The following SLC38A1 variants were observed in gnomAD, a reference collection of about 807,000 sequenced individuals.
SLC38A1 encodes the protein sodium-coupled neutral amino acid symporter 1.
SLC38A1 carries 18 observed loss-of-function variants against 60.3 expected under a neutral mutation model. The ratio of observed to expected loss-of-function variants is 0.30; its 90% CI spans 0.21 to 0.44. The LOEUF is 0.44. SLC38A1 is among the 20% of genes least tolerant of loss of function. SLC38A1 has a pLI of 1.00. For synonymous variants in SLC38A1, 196 were observed against 212.1 expected (o/e 0.92, Z 0.66); for missense variants, 448 against 587.2 (o/e 0.76, Z 2.45).
chr12:46,253,170 G>T (rs1941913769), intron 1 of SLC38A1, among the ~76,000 whole-genome samples: 2 of 152,138 alleles, frequency 1.3e-5, no homozygotes, highest in South Asian at 4.1e-4. Context: ...AATACAGTTT[G>T]AGTATTTCTT....
At chr12:46,224,948 A>G (rs1403370937) in intron 5 of SLC38A1, among the ~76,000 whole-genome samples, 1 of 152,248 alleles carries the variant, frequency 6.6e-6, no homozygotes, top group African/African-American at 2.4e-5. Flanking sequence ...GTCATGAGAT[A>G]GGAGGTCAAT....
chr12:46,207,741 C>T, intron 6 of SLC38A1, 120 bp from the exon 7 acceptor site: 2 of 916,052 alleles, frequency 2.2e-6, no homozygotes, highest in Non-Finnish European at 3.5e-6. Flanking sequence ...CTCAAACTCA[C>T]ACAAATAGTC....
At chr12:46,243,909 T>C (rs1941529376) in intron 1 of SLC38A1, among the ~76,000 whole-genome samples, 1 of 152,234 alleles carries the variant, frequency 6.6e-6, no homozygotes, top group African/African-American at 2.4e-5. Flanking sequence ...ATAGTACCAA[T>C]GTAAAATACA....
intron 16 of SLC38A1, among the ~76,000 whole-genome samples, chr12:46,195,334 C>T (rs560291156): frequency 1.2e-4 from 18 of 152,298 alleles, no homozygotes; most frequent in African/African-American, 4.1e-4. Flanking sequence ...GGGGCACCCA[C>T]GTGTTTGAGG....
chr12:46,192,952 G>C lies in SLC38A1; in HGVS notation c.1363-3881C>G, dbSNP rs551441501. On this transcript the variant is annotated intron_variant, in intron 16 of 16. Transcript: ENST00000398637. ...CTCCTTCAATTCTGCTCCGATCTTA[G>C]TTATTTCTTACCTTCTGCTAGCTTT... Among the ~76,000 whole-genome samples, 6 of 152,164 alleles carry C rather than the reference G, an allele frequency of 3.9e-5. No individual in the cohort carries two copies. The South Asian group carries it at 8.3e-4, about 21-fold the overall frequency.
At chr12:46,239,944 T>C in intron 2 of SLC38A1, 51 bp from the exon 3 acceptor site, 4 of 671,912 alleles carry the variant, frequency 6.0e-6, no homozygotes, top group Non-Finnish European at 7.3e-6. Context: ...ACGCTACTGA[T>C]TAAAAATAAA....
chr12:46,202,624 A>C (rs1939712294), intron 12 of SLC38A1, among the ~76,000 whole-genome samples: 2 of 152,248 alleles, frequency 1.3e-5, no homozygotes, highest in Non-Finnish European at 2.9e-5. Flanking sequence ...GGCAAATCAG[A>C]GACGATGTAT....
chr12:46,198,235 G>A (rs1382842785), intron 14 of SLC38A1, among the ~76,000 whole-genome samples, 175 bp from the exon 15 acceptor site: 1 of 151,952 alleles, frequency 6.6e-6, no homozygotes, highest in Non-Finnish European at 1.5e-5. Context: ...ACTTAAGAGG[G>A]AAAGTATTTT....
chr12:46,236,353 T>A (rs1286484269), intron 3 of SLC38A1, among the ~76,000 whole-genome samples: 1 of 152,168 alleles, frequency 6.6e-6, no homozygotes, highest in Non-Finnish European at 1.5e-5. Context: ...CTAACTAACC[T>A]GTTGTGGCAG....
At chr12:46,246,102 G>A (rs1344861043) in intron 1 of SLC38A1, among the ~76,000 whole-genome samples, 5 of 152,198 alleles carry the variant, frequency 3.3e-5, no homozygotes, top group Admixed American at 3.3e-4. Flanking sequence ...GCAGAAGACA[G>A]GTGATTTCTG....
At chr12:46,196,184 C>G (rs1489709612) in intron 16 of SLC38A1, 6 of 1,536,080 alleles carry the variant, frequency 3.9e-6, no homozygotes, top group Non-Finnish European at 5.2e-6. Flanking sequence ...GTTCCTTGCG[C>G]TTGAGCATGT....
chr12:46,256,636 C>CACACACACACACACACACAGAGAG (rs142176282), intron 1 of SLC38A1, among the ~76,000 whole-genome samples: 1 of 123,202 alleles, frequency 8.1e-6, no homozygotes, highest in African/African-American at 3.4e-5. Flanking sequence ...CACACACACA[C>CACACACACACACACACACAGAGAG]AGAGAGAGAG....
chr12:46,205,949 T>G (rs577795907), intron 9 of SLC38A1, 131 bp downstream of exon 9: 2 of 548,002 alleles, frequency 3.6e-6, no homozygotes, highest in East Asian at 6.0e-5. Context: ...CGATTAATAC[T>G]TGCAATTTAT....
chr12:46,254,251 A>ATCACCC (rs1172407258), intron 1 of SLC38A1, among the ~76,000 whole-genome samples: 4 of 152,318 alleles, frequency 2.6e-5, no homozygotes, highest in Middle Eastern at 3.4e-3. Flanking sequence ...GCAGCTAGAG[A>ATCACCC]TCACTGGTTG....
chr12:46,188,928 G>T lies in SLC38A1; in HGVS notation c.*42C>A. On this transcript the variant is annotated 3_prime_UTR_variant, in exon 17 of 17. Coordinates refer to ENST00000398637, the MANE Select transcript of SLC38A1 (RefSeq NM_030674.4). ...AGAGATTGCTGATGTGTGGGGACTT[G>T]ACTGAGCAGACAACAGGGATGTTTC... is the stretch of plus-strand genomic sequence containing the variant. 6.5e-7 allele frequency: 1 copy of T among 1,531,268 alleles called. No individual in the cohort carries two copies. Among genetic ancestry groups the T allele is most frequent in the Non-Finnish European group, 9.0e-7 (1 of 1,107,698 alleles). The allele number at this position is 1,531,268 out of a possible 1,614,324, so 94.9% of individuals were successfully genotyped here.
intron 1 of SLC38A1, among the ~76,000 whole-genome samples, chr12:46,246,226 G>C (rs1324499066): frequency 6.6e-6 from 1 of 152,228 alleles, no homozygotes; most frequent in Non-Finnish European, 1.5e-5. Context: ...GGAAGTGCAA[G>C]GGGTCTGGGA....
At position 46,186,483 on chromosome 12, in the gene SLC38A1, C is replaced by T. The variant is rs1938940660; in HGVS notation, c.*2487G>A. On this transcript the variant is annotated 3_prime_UTR_variant, in exon 17 of 17. Coordinates refer to ENST00000398637, the MANE Select transcript of SLC38A1 (RefSeq NM_030674.4). Reference sequence around the variant, plus strand: ...TAAATTCGACCTAACATCTGTGATACATGTATTTTTGGCTACCAATTAACT... The same window carrying T: ...TAAATTCGACCTAACATCTGTGATATATGTATTTTTGGCTACCAATTAACT... 2 of 152,178 alleles carry T rather than the reference C, an allele frequency of 1.3e-5. No homozygotes were observed. The highest frequency in any genetic ancestry group is 4.8e-5 in the African/African-American group (2 of 41,446). The allele number at this position is 152,178 out of a possible 1,614,324, so 9.4% of individuals were successfully genotyped here.
chr12:46,220,077 A>G (rs961318186), intron 5 of SLC38A1, among the ~76,000 whole-genome samples: 1 of 152,244 alleles, frequency 6.6e-6, no homozygotes, highest in African/African-American at 2.4e-5. Flanking sequence ...TCTAAAAACA[A>G]TGAGTGGGAC....
intron 5 of SLC38A1, among the ~76,000 whole-genome samples, chr12:46,224,816 G>A (rs1025002004): frequency 2.6e-5 from 4 of 152,132 alleles, no homozygotes; most frequent in East Asian, 3.9e-4. Context: ...GGTGTGTTGC[G>A]CTTGTTATCC....
Sources: allele counts gnomAD v4.1 joint callset (sites outside exome capture counted in the v4.1 genomes callset), GRCh38; gene constraint gnomAD v4.1.1; transcripts MANE v1.5; gene names NCBI Gene and HGNC (gene_info 2026-07-23, HGNC 2026-07-21).